Variants in DGKD observed in about 807,000 individuals in gnomAD.
DGKD encodes DAG kinase delta.
Under a neutral mutation model 154.4 loss-of-function variants are expected in DGKD, and 68 were observed. The observed-to-expected ratio is 0.44, with a 90% CI of 0.36 to 0.54. The LOEUF (loss-of-function observed/expected upper bound fraction) is 0.54. Ranked by LOEUF, DGKD falls within the 20% of genes least tolerant of loss-of-function variation. DGKD has a pLI of 0.00. For synonymous variants in DGKD, 693 were observed against 638.0 expected (o/e 1.09, Z -1.30); for missense variants, 1,343 against 1,593.6 (o/e 0.84, Z 2.68).
chr2:233,399,391 G>T (rs1383540187), intron 3 of DGKD, among the ~76,000 whole-genome samples: 1 of 152,230 alleles, frequency 6.6e-6, no homozygotes, highest in African/African-American at 2.4e-5. Flanking sequence ...GGGACCAGAT[G>T]CTGGGCCTGG....
At chr2:233,414,923 A>C (rs1018387979) in intron 3 of DGKD, among the ~76,000 whole-genome samples, 1 of 151,928 alleles carries the variant, frequency 6.6e-6, no homozygotes, top group Non-Finnish European at 1.5e-5. Context: ...AGTCTGAGGG[A>C]GTTGGTAAGG....
intron 3 of DGKD, among the ~76,000 whole-genome samples, chr2:233,399,966 G>A (rs10184166): frequency 0.97 from 147,219 of 152,276 alleles, 71,202 homozygotes; most frequent in East Asian, 1. Context: ...TAATAACAGT[G>A]TTGAAGGAAC....
At chr2:233,461,784 T>C (rs2063653575) in intron 24 of DGKD, among the ~76,000 whole-genome samples, 1 of 152,238 alleles carries the variant, frequency 6.6e-6, no homozygotes, top group Non-Finnish European at 1.5e-5. Context: ...CTTGCACTGC[T>C]CCTATAGTCT....
chr2:233,444,192 C>A (rs574816967), intron 10 of DGKD, among the ~76,000 whole-genome samples: 1 of 152,124 alleles, frequency 6.6e-6, no homozygotes, highest in Non-Finnish European at 1.5e-5. Flanking sequence ...TCCTTTCCTT[C>A]GAGTCTGAAA....
At chr2:233,410,832 G>C (rs566311775) in intron 3 of DGKD, among the ~76,000 whole-genome samples, 1 of 150,212 alleles carries the variant, frequency 6.7e-6, no homozygotes, top group East Asian at 1.9e-4. Flanking sequence ...CCATAGTCAG[G>C]ATAACATTTC....
Position 233,450,935 on chromosome 2 carries a change from G to C in DGKD, c.2052G>C (p.Pro684=). Residue 684 remains proline (P), a synonymous_variant, in exon 17 of 30, where the codon CCG becomes CCC. Transcript: ENST00000264057. The part of the protein sequence containing the change: ...GRSQRKVSKS[P]CEKLISKGSL... ...GTGTTGTTACAGTGTCGAAATCTCCGTGTGAAAAGCTGATCAGCAAAGGGA... is the reference window on the plus strand; with the variant it reads ...GTGTTGTTACAGTGTCGAAATCTCCCTGTGAAAAGCTGATCAGCAAAGGGA... The C allele has an allele frequency of 6.2e-7, 1 of 1,601,958 alleles. No homozygotes were observed. Among genetic ancestry groups the C allele is most frequent in the Non-Finnish European group, 8.5e-7 (1 of 1,169,770 alleles).
chr2:233,361,426 G>C (rs1299984620), intron 1 of DGKD, among the ~76,000 whole-genome samples: 1 of 152,128 alleles, frequency 6.6e-6, no homozygotes, highest in Non-Finnish European at 1.5e-5. Flanking sequence ...ACTTTCACGA[G>C]TCTGTTTGTA....
intron 3 of DGKD, among the ~76,000 whole-genome samples, chr2:233,409,836 G>A (rs2061782182): frequency 6.9e-6 from 1 of 145,562 alleles, no homozygotes; most frequent in Non-Finnish European, 1.5e-5. Flanking sequence ...GGAGGACTGT[G>A]GGAGTGGTTA....
intron 1 of DGKD, among the ~76,000 whole-genome samples, chr2:233,373,995 TC>T (rs1702449023): frequency 6.6e-6 from 1 of 152,078 alleles, no homozygotes; most frequent in Non-Finnish European, 1.5e-5. Context: ...ATCATGTAAC[TC>T]CCCTTTATGT....
intron 27 of DGKD, among the ~76,000 whole-genome samples, chr2:233,465,605 T>C (rs2063800705): frequency 6.6e-6 from 1 of 152,180 alleles, no homozygotes; most frequent in Non-Finnish European, 1.5e-5. Flanking sequence ...AAAATTTTTT[T>C]TTAAACTTAA....
intron 3 of DGKD, among the ~76,000 whole-genome samples, chr2:233,418,632 C>G (rs552878642): frequency 1.3e-5 from 2 of 152,302 alleles, no homozygotes; most frequent in South Asian, 2.1e-4. Flanking sequence ...TTCCTGAGTT[C>G]CTGGGGAGGC....
At chr2:233,456,332 A>G (rs1475982587) in intron 19 of DGKD, among the ~76,000 whole-genome samples, 2 of 152,250 alleles carry the variant, frequency 1.3e-5, no homozygotes, top group African/African-American at 2.4e-5. Context: ...GCGTGTGGCC[A>G]CAGAAGGAAG....
intron 24 of DGKD, 88 bp downstream of exon 24, chr2:233,460,433 G>C (rs1163334243): frequency 2.6e-5 from 39 of 1,509,974 alleles, no homozygotes; most frequent in African/African-American, 9.7e-5. Context: ...GCGTGGAGCT[G>C]CTGCTCCTGA....
Position 233,449,265 on chromosome 2 carries a change from G to A in DGKD, c.1777G>A (p.Ala593Thr), listed in dbSNP as rs778062641. The change falls in exon 15 of 30, where the codon GCA becomes ACA. Residue 593 changes from alanine to threonine, a missense_variant. Ala to Thr is a moderately conservative substitution (Grantham distance 58). Around this residue, in one of 6 missense-constraint regions of DGKD, gnomAD observed 409 missense variants for 446.0 expected, o/e 0.92. Transcript: ENST00000264057. This position sits in a 1 kb window ranked among gnomAD's most constrained non-coding sequence, Gnocchi z 5.3. ...CGGTTCCACCGGAGACCGCTTGGTGGCATCAGCTTGCCCGGCCCGGCCGCA... is the reference window on the plus strand; with the variant it reads ...CGGTTCCACCGGAGACCGCTTGGTGACATCAGCTTGCCCGGCCCGGCCGCA... The part of the protein sequence containing the change: ...ICGSTGDRLV[A>T]SACPARPQIF... 9 of 1,613,494 alleles carry A rather than the reference G, an allele frequency of 5.6e-6. No homozygotes were observed. The South Asian group carries it at 8.8e-5, about 16-fold the overall frequency.
chr2:233,468,379 G>C (rs771173324), intron 28 of DGKD, 44 bp from the exon 29 acceptor site: 1 of 1,604,934 alleles, frequency 6.2e-7, no homozygotes, highest in Non-Finnish European at 8.5e-7. Context: ...CCTTGCACTG[G>C]GCTCTGGGCA....
intron 1 of DGKD, among the ~76,000 whole-genome samples, chr2:233,358,821 T>C (rs779409899): frequency 6.6e-6 from 1 of 152,244 alleles, no homozygotes; most frequent in Non-Finnish European, 1.5e-5. Flanking sequence ...TTGGGTTATT[T>C]CTACTTTTTG....
chr2:233,361,160 A>G (rs1701764508), intron 1 of DGKD, among the ~76,000 whole-genome samples: 1 of 152,224 alleles, frequency 6.6e-6, no homozygotes, highest in Admixed American at 6.5e-5. Context: ...AGGTTCTGCC[A>G]AAGGGCAACA....
At chr2:233,432,340 ATGGTGAAACCT>A (rs2062549784) in intron 3 of DGKD, among the ~76,000 whole-genome samples, 3 of 122,018 alleles carry the variant, frequency 2.5e-5, no homozygotes, top group South Asian at 2.5e-4. Flanking sequence ...CCTGGCTAAC[ATGGTGAAACCT>A]CGTCTCTACT....
intron 11 of DGKD, 117 bp from the exon 12 acceptor site, chr2:233,446,595 A>C: frequency 9.7e-7 from 1 of 1,034,800 alleles, no homozygotes; most frequent in Non-Finnish European, 1.4e-6. Context: ...GGGCCTAAAA[A>C]TGAAGTCAGA....
Sources: gnomAD v4.1 joint callset for allele counts (sites outside exome capture counted in the v4.1 genomes callset) on GRCh38, gnomAD v4.1.1 for gene constraint, gnomAD v4.1.1 regional missense constraint, Gnocchi (gnomAD v3.1) non-coding constraint, MANE v1.5 for transcripts, NCBI Gene and HGNC (gene_info 2026-07-23, HGNC 2026-07-21) for gene names.